The following CEP70 variants were observed in gnomAD, a reference collection of about 807,000 sequenced individuals.
CEP70 encodes centrosomal protein 70, also known as centrosomal protein of 70 kDa.
A neutral mutation model predicts 90.9 loss-of-function variants in CEP70; 70 were observed. The ratio of observed to expected loss-of-function variants is 0.77; its 90% CI spans 0.64 to 0.94. The LOEUF (loss-of-function observed/expected upper bound fraction) is 0.94, where lower values mean the gene tolerates loss of function less well. CEP70 is among the 40% of genes least tolerant of loss of function. The pLI is 0.00. For synonymous variants in CEP70, 220 were observed against 228.3 expected, an observed-to-expected ratio of 0.96 and a Z score of 0.33; for missense variants, 648 against 669.0, an observed-to-expected ratio of 0.97 and a Z score of 0.35.
At chr3:138,517,952 ACAGCACCTGGAAAATCGGGT>A (rs1408491565) in intron 11 of CEP70, among the ~76,000 whole-genome samples, 1 of 152,196 alleles carries the variant, frequency 6.6e-6, no homozygotes, top group Admixed American at 6.5e-5. Context: ...GGGGTGACAG[ACAGCACCTGGAAAATCGGGT>A]CACTCCCACC....
chr3:138,558,505 G>T (rs1460457814), intron 6 of CEP70, among the ~76,000 whole-genome samples: 3 of 152,086 alleles, frequency 2.0e-5, no homozygotes, highest in African/African-American at 7.2e-5. Flanking sequence ...TGCCTGCCAG[G>T]GATATGAAAC....
chr3:138,529,125 C>T (rs931541325), intron 10 of CEP70, 74 bp downstream of exon 10: 3 of 840,806 alleles, frequency 3.6e-6, no homozygotes, highest in Non-Finnish European at 1.9e-6. Context: ...GTGATCACAC[C>T]ACTGCACTTG....
chr3:138,550,693 T>C (rs544770500), intron 6 of CEP70, among the ~76,000 whole-genome samples: 1 of 152,134 alleles, frequency 6.6e-6, no homozygotes, highest in Admixed American at 6.5e-5. Context: ...AATCACAACT[T>C]CAGGAAATAA....
chr3:138,568,800 G>A (rs2040958159), intron 6 of CEP70, among the ~76,000 whole-genome samples: 2 of 151,882 alleles, frequency 1.3e-5, no homozygotes, highest in South Asian at 2.1e-4. Flanking sequence ...CCAAGATAGT[G>A]AAACCCCATC....
intron 17 of CEP70, chr3:138,495,827 G>T: frequency 1.1e-6 from 1 of 939,806 alleles, no homozygotes; most frequent in Non-Finnish European, 1.3e-6. Flanking sequence ...ACTCTGGCCT[G>T]GGTGACAGAG....
intron 6 of CEP70, among the ~76,000 whole-genome samples, chr3:138,539,922 GAC>G (rs1207515289): frequency 6.6e-6 from 1 of 152,146 alleles, no homozygotes; most frequent in Non-Finnish European, 1.5e-5. Flanking sequence ...AAGATTTCAT[GAC>G]AAAGACACCA....
chr3:138,592,450 G>T (rs2042430127), intron 1 of CEP70, among the ~76,000 whole-genome samples: 1 of 151,976 alleles, frequency 6.6e-6, no homozygotes, highest in Non-Finnish European at 1.5e-5. Flanking sequence ...CAAAGGTCTG[G>T]AACTTTAAAG....
chr3:138,548,555 AGGC>A (rs2039385900), intron 6 of CEP70, among the ~76,000 whole-genome samples: 1 of 152,252 alleles, frequency 6.6e-6, no homozygotes, highest in Non-Finnish European at 1.5e-5. Flanking sequence ...CCTTAATCTT[AGGC>A]TTCAAATAAT....
intron 11 of CEP70, among the ~76,000 whole-genome samples, chr3:138,525,035 C>T (rs958393322): frequency 1.3e-4 from 20 of 152,088 alleles, no homozygotes; most frequent in African/African-American, 4.8e-4. Flanking sequence ...CAATGATAGA[C>T]TGGATTAAGA....
intron 10 of CEP70, among the ~76,000 whole-genome samples, chr3:138,527,693 T>A (rs1391957462): frequency 2.6e-5 from 2 of 76,620 alleles, no homozygotes; most frequent in Admixed American, 1.2e-4. Context: ...AGACTCCGTC[T>A]CAAAAAAAAA....
intron 11 of CEP70, among the ~76,000 whole-genome samples, chr3:138,519,673 C>T (rs1207110399): frequency 6.6e-6 from 1 of 152,134 alleles, no homozygotes; most frequent in Admixed American, 6.6e-5. Context: ...ACAAGAGCTC[C>T]TGAAGGAAGC....
intron 13 of CEP70, 96 bp downstream of exon 13, chr3:138,505,199 A>G: frequency 1.0e-6 from 1 of 990,264 alleles, no homozygotes; most frequent in Non-Finnish European, 1.4e-6. Flanking sequence ...AAAAAATTAA[A>G]CCCTATTTAA....
intron 10 of CEP70, among the ~76,000 whole-genome samples, chr3:138,528,042 G>C (rs1481963078): frequency 2.7e-5 from 4 of 145,780 alleles, no homozygotes; most frequent in Non-Finnish European, 4.5e-5. Flanking sequence ...GAATCTATTT[G>C]AAGTTTTTTT....
intron 8 of CEP70, among the ~76,000 whole-genome samples, chr3:138,529,761 A>G (rs1161940062): frequency 1.3e-5 from 2 of 152,188 alleles, no homozygotes; most frequent in Non-Finnish European, 2.9e-5. Context: ...AGGAGGTGAA[A>G]AAGCACTGCT....
chr3:138,519,647 C>T (rs930387115), intron 11 of CEP70, among the ~76,000 whole-genome samples: 1 of 152,172 alleles, frequency 6.6e-6, no homozygotes, highest in African/African-American at 2.4e-5. Flanking sequence ...GATTTTGTCA[C>T]CACCAGGCCT....
intron 2 of CEP70, among the ~76,000 whole-genome samples, chr3:138,573,834 G>A (rs1001684330): frequency 3.3e-5 from 5 of 152,170 alleles, no homozygotes; most frequent in Non-Finnish European, 5.9e-5. Context: ...TGTTAACACT[G>A]GGCTTTTGTA....
In CEP70 at chr3:138,577,294, TG is replaced by T. The variant is rs1474369952; in HGVS notation, c.-5-4363del. The stretch of plus-strand genomic sequence containing the variant: ...CACCAACATGGCACATGTATACATA[TG>T]TAACAAACCTGCACGCTGTCATGTA... On this transcript the variant is annotated intron_variant, in intron 2 of 17. Transcript: ENST00000264982. 2.0e-5 allele frequency among the ~76,000 whole-genome samples: 3 copies of T among 152,222 alleles called. No individual in the cohort carries two copies. The East Asian group carries it at 5.8e-4, about 29-fold the overall frequency.
At chr3:138,529,347 G>T (rs1188555780) in intron 9 of CEP70, 28 bp downstream of exon 9, 1 of 1,567,924 alleles carries the variant, frequency 6.4e-7, no homozygotes, top group Admixed American at 1.8e-5. Context: ...TTATTAAAAA[G>T]TATTTATTAG....
At chr3:138,496,519 G>C in intron 17 of CEP70, 1 of 985,392 alleles carries the variant, frequency 1.0e-6, no homozygotes, top group Non-Finnish European at 1.2e-6. Flanking sequence ...TTCTCATTAA[G>C]TGAGAAACCT....
Sources: allele counts gnomAD v4.1 joint callset (sites outside exome capture counted in the v4.1 genomes callset), GRCh38; gene constraint gnomAD v4.1.1; transcripts MANE v1.5; gene names NCBI Gene and HGNC (gene_info 2026-07-23, HGNC 2026-07-21).